DESI2: variants seen among roughly 807,000 people sequenced by gnomAD.
DESI2 encodes the protein desumoylating isopeptidase 2.
In DESI2, 10 loss-of-function variants were observed where a neutral mutation model predicts 24.1. The ratio of observed to expected loss-of-function variants is 0.41; its 90% CI spans 0.26 to 0.70. The LOEUF is 0.70. DESI2 is among the 30% of genes least tolerant of loss of function. The probability of loss-of-function intolerance (pLI) is 0.29; values close to 1 mark genes in which losing one functional copy is unlikely to be tolerated. For synonymous variants in DESI2, 71 were observed against 87.7 expected (o/e 0.81, Z 1.06); for missense variants, 122 against 234.9 (o/e 0.52, Z 3.14).
In DESI2 at chr1:244,668,169, A is replaced by T. The variant is rs147106581; in HGVS notation, c.42+14814A>T. ...TGTCTAGCAAAGTTCTGGACACAGCAGAAGAGGTATACCTATGTTTTGTTC... is the reference window on the plus strand; with the variant it reads ...TGTCTAGCAAAGTTCTGGACACAGCTGAAGAGGTATACCTATGTTTTGTTC... On this transcript the variant is annotated intron_variant, in intron 1 of 4. Transcript: ENST00000302550. Among the ~76,000 whole-genome samples the T allele has an allele frequency of 3.9e-3, 594 of 152,322 alleles. 6 individuals are homozygous for T. Among genetic ancestry groups the T allele is most frequent in the African/African-American group, 0.014 (577 of 41,576 alleles).
At chr1:244,688,970 A>G (rs1490190118) in intron 2 of DESI2, among the ~76,000 whole-genome samples, 1 of 152,228 alleles carries the variant, frequency 6.6e-6, no homozygotes, top group Non-Finnish European at 1.5e-5. Flanking sequence ...AGAGAACTGT[A>G]TATACCTCTG....
At chr1:244,698,321 T>A (rs1404303453) in intron 4 of DESI2, among the ~76,000 whole-genome samples, 11 of 152,220 alleles carry the variant, frequency 7.2e-5, no homozygotes, top group Admixed American at 7.2e-4. Flanking sequence ...TTTTGCCCAT[T>A]GGAGCCTCTG....
chr1:244,687,006 A>T (rs973843809), intron 2 of DESI2, among the ~76,000 whole-genome samples: 6 of 152,132 alleles, frequency 3.9e-5, no homozygotes, highest in African/African-American at 1.4e-4. Context: ...CTCCTAAGAA[A>T]CCTTGCATTT....
chr1:244,678,984 C>G (rs1422013004), intron 1 of DESI2, among the ~76,000 whole-genome samples: 1 of 152,134 alleles, frequency 6.6e-6, no homozygotes, highest in East Asian at 1.9e-4. Context: ...GAAAGCCTAA[C>G]AAAATTTTTA....
Position 244,689,458 on chromosome 1 carries a change from G to T in DESI2, c.209+116G>T. On this transcript the variant is annotated intron_variant, in intron 3 of 4. Transcript: ENST00000302550. This position sits in a 1 kb window ranked among gnomAD's most constrained non-coding sequence, Gnocchi z 4.0. ...CCCAAGAAGTTAAAAATGTCTCTTT[G>T]TTTTAATTGCTGACATTTTATATAA... The T allele has an allele frequency of 1.7e-6, 1 of 574,100 alleles. No individual in the cohort carries two copies. Among genetic ancestry groups the T allele is most frequent in the Non-Finnish European group, 3.1e-6 (1 of 319,010 alleles). 35.6% of individuals were successfully genotyped at this position (574,100 alleles called of 1,614,324 possible).
intron 1 of DESI2, among the ~76,000 whole-genome samples, chr1:244,660,525 A>G (rs907048947): frequency 2.0e-5 from 3 of 152,222 alleles, no homozygotes; most frequent in Non-Finnish European, 4.4e-5. Context: ...CGAATTCTCT[A>G]CAAGATTATT....
At chr1:244,703,899 C>G (rs1677585356) in intron 4 of DESI2, among the ~76,000 whole-genome samples, 2 of 152,110 alleles carry the variant, frequency 1.3e-5, no homozygotes, top group Admixed American at 6.6e-5. Context: ...ACCTCATGAT[C>G]TGCCCGCCTC....
chr1:244,690,756 T>G (rs1676997658), intron 3 of DESI2, among the ~76,000 whole-genome samples: 1 of 150,862 alleles, frequency 6.6e-6, no homozygotes, highest in South Asian at 2.1e-4. Context: ...TTCAAGGAGC[T>G]TTAAACTTCT....
intron 1 of DESI2, among the ~76,000 whole-genome samples, chr1:244,672,616 T>C (rs940902683): frequency 1.3e-5 from 2 of 152,162 alleles, no homozygotes; most frequent in Non-Finnish European, 1.5e-5. Context: ...TGGTGGCTCA[T>C]GCCTGTAACC....
intron 4 of DESI2, chr1:244,694,622 ACAGGT>A: frequency 1.2e-6 from 1 of 844,892 alleles, no homozygotes; most frequent in Non-Finnish European, 2.1e-6. Context: ...CACATTTGCC[ACAGGT>A]CAACTTCTGA....
At chr1:244,701,983 A>G (rs553403017) in intron 4 of DESI2, among the ~76,000 whole-genome samples, 1 of 152,328 alleles carries the variant, frequency 6.6e-6, no homozygotes, top group East Asian at 1.9e-4. Flanking sequence ...ATTTTCTAGA[A>G]GAGGGATTGC....
intron 1 of DESI2, among the ~76,000 whole-genome samples, chr1:244,658,393 C>T (rs1317990342): frequency 6.6e-6 from 1 of 152,178 alleles, no homozygotes; most frequent in Non-Finnish European, 1.5e-5. Flanking sequence ...TGGCATTGTC[C>T]AGCATTGATC....
chr1:244,654,699 G>T (rs1295516042), intron 1 of DESI2, among the ~76,000 whole-genome samples: 1 of 152,222 alleles, frequency 6.6e-6, no homozygotes, highest in Non-Finnish European at 1.5e-5. Flanking sequence ...TGTGTCACTG[G>T]TTGAGAAATA....
At chr1:244,681,092 A>G (rs1218112462) in intron 1 of DESI2, among the ~76,000 whole-genome samples, 3 of 152,008 alleles carry the variant, frequency 2.0e-5, no homozygotes, top group East Asian at 3.9e-4. Context: ...CAGCTTCTCT[A>G]TAATCTTGAC....
chr1:244,688,567 T>TA (rs1676901274), intron 2 of DESI2, among the ~76,000 whole-genome samples: 1 of 152,208 alleles, frequency 6.6e-6, no homozygotes, highest in Non-Finnish European at 1.5e-5. Flanking sequence ...AACAGAAAAT[T>TA]ACAGGAATTT....
At chr1:244,654,535 A>G (rs1466435856) in intron 1 of DESI2, among the ~76,000 whole-genome samples, 1 of 152,200 alleles carries the variant, frequency 6.6e-6, no homozygotes. Flanking sequence ...GCCACTTGAG[A>G]TGAGTCCTCT....
chr1:244,694,465 T>C, intron 4 of DESI2: 1 of 781,298 alleles, frequency 1.3e-6, no homozygotes, highest in South Asian at 1.3e-5. Context: ...GCTGCCCTCT[T>C]GGGTTTAGGT....
At chr1:244,680,140 A>G (rs1473606272) in intron 1 of DESI2, among the ~76,000 whole-genome samples, 2 of 150,250 alleles carry the variant, frequency 1.3e-5, no homozygotes, top group East Asian at 3.9e-4. Context: ...TAACACTGAT[A>G]TTTTTTTAAA....
intron 1 of DESI2, among the ~76,000 whole-genome samples, chr1:244,668,642 T>A (rs1245256969): frequency 2.0e-5 from 3 of 152,134 alleles, no homozygotes; most frequent in African/African-American, 7.2e-5. Context: ...TGTTTTAAGT[T>A]ACAGAAAAAA....
Sources: allele counts gnomAD v4.1 joint callset (sites outside exome capture counted in the v4.1 genomes callset), GRCh38; gene constraint gnomAD v4.1.1; non-coding constraint Gnocchi (gnomAD v3.1); transcripts MANE v1.5; gene names NCBI Gene and HGNC (gene_info 2026-07-23, HGNC 2026-07-21).